The following PTPRU variants were observed in gnomAD, a reference collection of about 807,000 sequenced individuals.
PTPRU encodes protein tyrosine phosphatase receptor type U, also known as receptor-type tyrosine-protein phosphatase U.
In PTPRU, 69 loss-of-function variants were observed where a neutral mutation model predicts 166.3. That is an observed-to-expected ratio of 0.41 (90% CI 0.34 to 0.51). PTPRU has a LOEUF of 0.51. Among genes scored for constraint, PTPRU ranks in the 20% least tolerant of loss-of-function variants. The pLI is 0.09. For synonymous variants in PTPRU, 793 were observed against 814.0 expected, an observed-to-expected ratio of 0.97 and a Z score of 0.44; for missense variants, 1,657 against 2,013.7, an observed-to-expected ratio of 0.82 and a Z score of 3.39.
At chr1:29,287,924 C>T (rs564069564) in intron 14 of PTPRU, among the ~76,000 whole-genome samples, 1 of 152,234 alleles carries the variant, frequency 6.6e-6, no homozygotes, top group African/African-American at 2.4e-5. Context: ...AGTGATTCTC[C>T]TGCCTCAGCC....
intron 14 of PTPRU, among the ~76,000 whole-genome samples, chr1:29,289,348 AGT>A (rs1250621881): frequency 6.6e-6 from 1 of 152,006 alleles, no homozygotes; most frequent in Non-Finnish European, 1.5e-5. Flanking sequence ...TCCATGTATG[AGT>A]GTGTATGTGA....
chr1:29,298,167 A>G (rs1345137993), intron 15 of PTPRU, among the ~76,000 whole-genome samples: 1 of 152,028 alleles, frequency 6.6e-6, no homozygotes. Context: ...CTGAGGCACA[A>G]GAATTGCTTG....
intron 7 of PTPRU, among the ~76,000 whole-genome samples, 165 bp downstream of exon 7, chr1:29,261,068 T>C (rs572986626): frequency 2.6e-5 from 4 of 152,258 alleles, no homozygotes; most frequent in Non-Finnish European, 5.9e-5. Flanking sequence ...TACTTTACTT[T>C]GTGTCAGGCA....
intron 7 of PTPRU, among the ~76,000 whole-genome samples, chr1:29,261,679 T>A (rs540373104): frequency 6.6e-6 from 1 of 152,242 alleles, no homozygotes; most frequent in African/African-American, 2.4e-5. Flanking sequence ...ATTACAGGCA[T>A]GCTCCACCAT....
At position 29,271,107 on chromosome 1, in the gene PTPRU, C is replaced by T. The variant is rs1167554470; in HGVS notation, c.1145-4341C>T. On this transcript the variant is annotated intron_variant, in intron 7 of 29. Coordinates refer to ENST00000373779, the MANE Select transcript of PTPRU (RefSeq NM_133178.4). This position sits in a 1 kb window ranked among gnomAD's most constrained non-coding sequence, Gnocchi z 4.4. ...GCATCTTGTTTAGCCTTACTAAAGT[C>T]AACACATGGTGGCCTAATTCAACAG... Among the ~76,000 whole-genome samples the T allele has an allele frequency of 6.6e-6, 1 of 152,202 alleles. No individual in the cohort carries two copies. The highest frequency in any genetic ancestry group is 1.5e-5 in the Non-Finnish European group (1 of 68,028).
chr1:29,258,505 G>C lies in PTPRU; in HGVS notation c.206G>C (p.Gly69Ala). 6.2e-7 allele frequency: 1 copy of C among 1,612,874 alleles called. No homozygotes were observed. The highest frequency in any genetic ancestry group is 8.5e-7 in the Non-Finnish European group (1 of 1,179,372). ...GTRAPADLPH[G>A]SYLMVNTSQH... is the part of the protein sequence containing the mutation. ...CTGCCTCTTCCTCCTCTCTTTCCAGGCTCCTACTTGATGGTCAACACTTCC... is the reference window on the plus strand; with the variant it reads ...CTGCCTCTTCCTCCTCTCTTTCCAGCCTCCTACTTGATGGTCAACACTTCC... Residue 69 changes from glycine (G) to alanine (A), a missense_variant and splice_region_variant, in exon 3 of 30, where the codon GGC becomes GCC. Gly to Ala is a moderately conservative substitution (Grantham distance 60). This residue lies in a region of PTPRU where 453 missense variants were observed against 496.9 expected (regional missense o/e 0.91). Coordinates refer to ENST00000373779, the MANE Select transcript of PTPRU (RefSeq NM_133178.4).
rs147109493 is a variant in PTPRU, at chr1:29,320,921, C to G, written c.3828+96C>G. 2.6e-4 allele frequency: 344 copies of G among 1,319,958 alleles called. 4 individuals are homozygous for G. The East Asian group carries it at 5.2e-3, about 20-fold the overall frequency. The allele number at this position is 1,319,958 out of a possible 1,614,324, so 81.8% of individuals were successfully genotyped here. A position where few individuals can be genotyped will look rare whatever the true frequency, so the allele number is the denominator to read the frequency against. On this transcript the variant is annotated intron_variant, in intron 26 of 29. Coordinates refer to ENST00000373779, the MANE Select transcript of PTPRU (RefSeq NM_133178.4). This position sits in a 1 kb window ranked among gnomAD's most constrained non-coding sequence, Gnocchi z 5.2. ...CCCAAAGCCAAAAGTTGGGTCCCAG[C>G]TCTGCCATCTATTTATTGTGTGATG...
Position 29,312,546 on chromosome 1 carries a change from C to T in PTPRU, c.3073-6C>T, listed in dbSNP as rs1687713139. Reference sequence around the variant, plus strand: ...ACTCTGATTATTATTCCCATTGTCTCCCCAGAGAGGCTACTCTGCCCGGCA... The same window carrying T: ...ACTCTGATTATTATTCCCATTGTCTTCCCAGAGAGGCTACTCTGCCCGGCA... On this transcript the variant is annotated splice_region_variant and splice_polypyrimidine_tract_variant and intron_variant, in intron 21 of 29. Coordinates refer to ENST00000373779, the MANE Select transcript of PTPRU (RefSeq NM_133178.4). 1.3e-6 allele frequency: 2 copies of T among 1,581,032 alleles called. No individual in the cohort carries two copies. Among genetic ancestry groups the T allele is most frequent in the South Asian group, 1.1e-5 (1 of 89,274 alleles).
intron 15 of PTPRU, among the ~76,000 whole-genome samples, chr1:29,297,694 A>G (rs545515332): frequency 5.9e-5 from 9 of 152,304 alleles, no homozygotes; most frequent in African/African-American, 1.9e-4. Flanking sequence ...GTGTGGGCTC[A>G]TGCCTAACCG....
chr1:29,285,853 G>A (rs970076234), intron 14 of PTPRU, among the ~76,000 whole-genome samples: 10 of 152,194 alleles, frequency 6.6e-5, no homozygotes, highest in African/African-American at 1.2e-4. Context: ...CCAGGCAGCC[G>A]TGGGACACTG....
At chr1:29,269,397 A>T (rs1304083457) in intron 7 of PTPRU, among the ~76,000 whole-genome samples, 1 of 151,128 alleles carries the variant, frequency 6.6e-6, no homozygotes, top group Non-Finnish European at 1.5e-5. Flanking sequence ...ATCCAGCCTA[A>T]TCCAGTGTTT....
chr1:29,259,779 A>G, intron 5 of PTPRU, 91 bp from the exon 6 acceptor site: 2 of 1,394,410 alleles, frequency 1.4e-6, no homozygotes, highest in East Asian at 2.5e-5. Flanking sequence ...CGCGCGGTGT[A>G]GTAGGGACGG....
Position 29,259,860 on chromosome 1 carries a change from T to C in PTPRU, c.676-10T>C. 1 of 1,527,690 alleles carries C rather than the reference T, an allele frequency of 6.5e-7. No individual in the cohort carries two copies. The highest frequency in any genetic ancestry group is 8.7e-7 in the Non-Finnish European group (1 of 1,143,710). The allele number at this position is 1,527,690 out of a possible 1,614,324, so 94.6% of individuals were successfully genotyped here. On this transcript the variant is annotated splice_polypyrimidine_tract_variant and intron_variant, in intron 5 of 29. Transcript: ENST00000373779. ...AGGCGCCCCTGACCCCCTCACTCTC[T>C]TCCCTGCAGCGGCAGAGCGGGGCGC...
intron 1 of PTPRU, among the ~76,000 whole-genome samples, chr1:29,243,399 C>G (rs1558542543): frequency 6.6e-6 from 1 of 152,234 alleles, no homozygotes; most frequent in Non-Finnish European, 1.5e-5. Context: ...CCTTTCTTCC[C>G]TGATCCCACT....
At chr1:29,277,257 C>T (rs967264447) in intron 8 of PTPRU, among the ~76,000 whole-genome samples, 9 of 152,052 alleles carry the variant, frequency 5.9e-5, no homozygotes, top group South Asian at 2.1e-4. Flanking sequence ...CCCGCCACCA[C>T]GCCTGGCTAA....
At chr1:29,314,985 T>C (rs1468670126) in intron 22 of PTPRU, among the ~76,000 whole-genome samples, 4 of 152,228 alleles carry the variant, frequency 2.6e-5, no homozygotes, top group Non-Finnish European at 5.9e-5. Flanking sequence ...TGAATGGGTA[T>C]GAGTGTGTGG....
In PTPRU at chr1:29,320,314, G is replaced by T; in HGVS notation, c.3688-371G>T. 5.3e-6 allele frequency: 1 copy of T among 188,732 alleles called. No homozygotes were observed. Among genetic ancestry groups the T allele is most frequent in the Non-Finnish European group, 1.1e-5 (1 of 92,382 alleles). The allele number at this position is 188,732 out of a possible 1,614,324, so 11.7% of individuals were successfully genotyped here. On this transcript the variant is annotated intron_variant, in intron 25 of 29. Coordinates refer to ENST00000373779, the MANE Select transcript of PTPRU (RefSeq NM_133178.4). The surrounding 1 kb of genome is among the most constrained non-coding windows in gnomAD (Gnocchi z 5.2). ...AGGAAGTGAGGGAGACAGCCATATAGACATTTGGGAAATTTGGCCTAGGCA... is the reference window on the plus strand; with the variant it reads ...AGGAAGTGAGGGAGACAGCCATATATACATTTGGGAAATTTGGCCTAGGCA...
chr1:29,301,283 G>A (rs1348439872), intron 15 of PTPRU, among the ~76,000 whole-genome samples: 2 of 152,162 alleles, frequency 1.3e-5, no homozygotes, highest in African/African-American at 2.4e-5. Flanking sequence ...GATTATAATG[G>A]AGTTGAAAAA....
In PTPRU at chr1:29,311,541, C is replaced by G. The variant is rs768601463; in HGVS notation, c.2943C>G (p.Val981=). The G allele has an allele frequency of 1.2e-5, 20 of 1,614,000 alleles. No individual in the cohort carries two copies. The highest frequency in any genetic ancestry group is 1.6e-4 in the Middle Eastern group (1 of 6,084). ...GCATCGTCATGATCACCAAGCTGGT[C>G]GAGGTGGGCAGGGTAAGCCGGGCTG... ...CSSIVMITKL[V]EVGRVKCSRY... is the part of the protein sequence containing the mutation. Residue 981 remains valine, a synonymous_variant, in exon 20 of 30, where the codon GTC becomes GTG. Coordinates refer to ENST00000373779, the MANE Select transcript of PTPRU (RefSeq NM_133178.4). This position sits in a 1 kb window ranked among gnomAD's most constrained non-coding sequence, Gnocchi z 4.1.
Sources: gnomAD v4.1 joint callset for allele counts (sites outside exome capture counted in the v4.1 genomes callset) on GRCh38, gnomAD v4.1.1 for gene constraint, gnomAD v4.1.1 regional missense constraint, Gnocchi (gnomAD v3.1) non-coding constraint, MANE v1.5 for transcripts, NCBI Gene and HGNC (gene_info 2026-07-23, HGNC 2026-07-21) for gene names.